The following EXOSC2 variants were observed in gnomAD, a reference collection of about 807,000 sequenced individuals.
EXOSC2 encodes the protein exosome complex component RRP4.
EXOSC2 carries 29 observed loss-of-function variants against 37.6 expected under a neutral mutation model. That is an observed-to-expected ratio of 0.77 (90% CI 0.57 to 1.05). The LOEUF (loss-of-function observed/expected upper bound fraction) is 1.05. Among genes scored for constraint, EXOSC2 ranks in the 50% least tolerant of loss-of-function variants. The probability of loss-of-function intolerance (pLI) is 0.00; values close to 1 mark genes in which losing one functional copy is unlikely to be tolerated. For synonymous variants in EXOSC2, 119 were observed against 131.1 expected (o/e 0.91, Z 0.63); for missense variants, 346 against 365.6 (o/e 0.95, Z 0.44).
chr9:130,702,702 C>T (rs1393568764), intron 7 of EXOSC2, among the ~76,000 whole-genome samples: 1 of 152,178 alleles, frequency 6.6e-6, no homozygotes, highest in Non-Finnish European at 1.5e-5. Flanking sequence ...TCAAGTGATT[C>T]TCCTGCCTCA....
chr9:130,699,271 T>A lies in EXOSC2; in HGVS notation c.361-58T>A, dbSNP rs1379222910. ...ATCTCAAAAGGAAGTGAAAGAGAAG[T>A]GATGGAGACCTTTCTGAGGATCTGG... On this transcript the variant is annotated intron_variant, in intron 4 of 8. Coordinates refer to ENST00000372358, the MANE Select transcript of EXOSC2 (RefSeq NM_014285.7). 1.0e-5 allele frequency: 16 copies of A among 1,540,680 alleles called. No homozygotes were observed. In the African/African-American group the frequency reaches 2.2e-4, roughly 21 times the overall value.
At position 130,694,398 on chromosome 9, in the gene EXOSC2, T is replaced by C. The variant is rs943021762; in HGVS notation, c.122+485T>C. Among the ~76,000 whole-genome samples, 6 of 152,154 alleles carry C rather than the reference T, an allele frequency of 3.9e-5. No individual in the cohort carries two copies. The highest frequency in any genetic ancestry group is 3.9e-4 in the Admixed American group (6 of 15,268). The stretch of plus-strand genomic sequence containing the variant: ...AATCTAAGGGGTGTAGTGCAGTGTA[T>C]TGTGGTTAAGAGGGAAGGCTCTTGA... On this transcript the variant is annotated intron_variant, in intron 1 of 8. Transcript: ENST00000372358. The surrounding 1 kb of genome is among the most constrained non-coding windows in gnomAD (Gnocchi z 4.0).
chr9:130,700,270 C>T (rs1331456556), intron 5 of EXOSC2, among the ~76,000 whole-genome samples: 4 of 151,956 alleles, frequency 2.6e-5, no homozygotes, highest in Admixed American at 1.3e-4. Context: ...CTGCCCACCT[C>T]GGCCTCCCAA....
Position 130,694,635 on chromosome 9 carries a change from T to A in EXOSC2, c.122+722T>A, listed in dbSNP as rs758621603. Reference sequence around the variant, plus strand: ...TGTTTCAACCTTTATTATTATTATTTTTTTACTTGTATATGTACAAGGGGC... The same window carrying A: ...TGTTTCAACCTTTATTATTATTATTATTTTACTTGTATATGTACAAGGGGC... On this transcript the variant is annotated intron_variant, in intron 1 of 8. Transcript: ENST00000372358. The surrounding 1 kb of genome is among the most constrained non-coding windows in gnomAD (Gnocchi z 4.0). Among the ~76,000 whole-genome samples the A allele has an allele frequency of 6.6e-6, 1 of 152,218 alleles. No individual in the cohort carries two copies. Among genetic ancestry groups the A allele is most frequent in the South Asian group, 2.1e-4 (1 of 4,836 alleles).
rs748574171 is a variant in EXOSC2, at chr9:130,702,329, C to T, written c.672+19C>T. The stretch of plus-strand genomic sequence containing the variant: ...CCTGGAGGTGAGCAAACACTGTGGC[C>T]ATTTTCAGTGGGATGGAGGGGGCTC... On this transcript the variant is annotated intron_variant, in intron 7 of 8. Transcript: ENST00000372358. The T allele has an allele frequency of 2.0e-5, 32 of 1,603,524 alleles. No individual in the cohort carries two copies. In the South Asian group the frequency reaches 3.2e-4, roughly 16 times the overall value.
chr9:130,703,081 T>C lies in EXOSC2; in HGVS notation c.701T>C (p.Ile234Thr). The part of the protein sequence containing the change: ...EPVSLADREV[I>T]SRLRNCIISL... Reference sequence around the variant, plus strand: ...GTCTCTCTTGCTGATCGAGAGGTGATATCCCGGCTTCGGAACTGCATCATC... The same window carrying C: ...GTCTCTCTTGCTGATCGAGAGGTGACATCCCGGCTTCGGAACTGCATCATC... Residue 234 changes from isoleucine (I) to threonine (T), a missense_variant, in exon 8 of 9, where the codon ATA becomes ACA. Transcript: ENST00000372358. The C allele has an allele frequency of 6.2e-7, 1 of 1,613,900 alleles. No individual in the cohort carries two copies. The highest frequency in any genetic ancestry group is 1.7e-5 in the Admixed American group (1 of 60,010).
chr9:130,696,615 A>T (rs903983286), intron 2 of EXOSC2, among the ~76,000 whole-genome samples: 49 of 152,166 alleles, frequency 3.2e-4, no homozygotes, highest in Non-Finnish European at 6.3e-4. Context: ...GTGTTTTTTT[A>T]AAATCATGAA....
chr9:130,699,685 G>A, intron 5 of EXOSC2: 3 of 393,546 alleles, frequency 7.6e-6, no homozygotes, highest in Non-Finnish European at 1.4e-5. Flanking sequence ...GCAGGGAGTG[G>A]AGAAGGTGTT....
chr9:130,698,719 T>C lies in EXOSC2; in HGVS notation c.360+468T>C, dbSNP rs767349677. 1.3e-5 allele frequency among the ~76,000 whole-genome samples: 2 copies of C among 152,210 alleles called. No homozygotes were observed. The highest frequency in any genetic ancestry group is 1.3e-4 in the Admixed American group (2 of 15,274). On this transcript the variant is annotated intron_variant, in intron 4 of 8. Transcript: ENST00000372358. This position sits in a 1 kb window ranked among gnomAD's most constrained non-coding sequence, Gnocchi z 4.1. ...TGTAAAATGCCATGGTTCACCTTGATCTTCAGTCCAGCGTGTATTTACAGA... is the reference window on the plus strand; with the variant it reads ...TGTAAAATGCCATGGTTCACCTTGACCTTCAGTCCAGCGTGTATTTACAGA...
rs1050593200 is a variant in EXOSC2, at chr9:130,697,564, T to C, written c.225-18T>C. On this transcript the variant is annotated intron_variant, in intron 2 of 8. Transcript: ENST00000372358. ...GTCTGCTCACAGATGGATGAACCCC[T>C]TGTGTTTTGTCTTTCAGATACATTG... 8.1e-6 allele frequency: 13 copies of C among 1,613,428 alleles called. No individual in the cohort carries two copies. Among genetic ancestry groups the C allele is most frequent in the Non-Finnish European group, 1.0e-5 (12 of 1,179,434 alleles).
At chr9:130,697,798 G>GTT (rs369300595) in intron 3 of EXOSC2, 171 bp downstream of exon 3, 1,354 of 515,406 alleles carry the variant, frequency 2.6e-3, no homozygotes, top group East Asian at 3.1e-3. Flanking sequence ...ACTGGTTCAT[G>GTT]TTTTTTTTTT....
chr9:130,700,855 C>T lies in EXOSC2; in HGVS notation c.427-12C>T, dbSNP rs373535241. On this transcript the variant is annotated splice_polypyrimidine_tract_variant and intron_variant, in intron 5 of 8. Coordinates refer to ENST00000372358, the MANE Select transcript of EXOSC2 (RefSeq NM_014285.7). Reference sequence around the variant, plus strand: ...CCAAGGCTGCTGTTTGTTCCTTCATCACCCTGGCCAGGCTGAGGTCCAGGC... The same window carrying T: ...CCAAGGCTGCTGTTTGTTCCTTCATTACCCTGGCCAGGCTGAGGTCCAGGC... 1.2e-6 allele frequency: 2 copies of T among 1,613,770 alleles called. No individual in the cohort carries two copies. Among genetic ancestry groups the T allele is most frequent in the East Asian group, 4.5e-5 (2 of 44,880 alleles).
chr9:130,700,675 A>T (rs545455959), intron 5 of EXOSC2, among the ~76,000 whole-genome samples, 192 bp from the exon 6 acceptor site: 58 of 151,924 alleles, frequency 3.8e-4, no homozygotes, highest in African/African-American at 5.8e-4. Flanking sequence ...CTGTATTTTT[A>T]AAAAAAAGAT....
Position 130,694,614 on chromosome 9 carries a change from T to G in EXOSC2, c.122+701T>G, listed in dbSNP as rs968856616. Among the ~76,000 whole-genome samples the G allele has an allele frequency of 3.9e-5, 6 of 152,228 alleles. No homozygotes were observed. The highest frequency in any genetic ancestry group is 1.4e-4 in the African/African-American group (6 of 41,458). On this transcript the variant is annotated intron_variant, in intron 1 of 8. Transcript: ENST00000372358. This position sits in a 1 kb window ranked among gnomAD's most constrained non-coding sequence, Gnocchi z 4.0. The stretch of plus-strand genomic sequence containing the variant: ...TATCATCATAGATAACACTAGTGTT[T>G]CAACCTTTATTATTATTATTTTTTT...
intron 6 of EXOSC2, 185 bp downstream of exon 6, chr9:130,701,120 A>T (rs895910058): frequency 1.7e-6 from 1 of 593,952 alleles, no homozygotes; most frequent in Non-Finnish European, 3.0e-6. Flanking sequence ...TCACAGGGTC[A>T]TGGGTCAGTA....
chr9:130,700,817 G>C, intron 5 of EXOSC2, 50 bp from the exon 6 acceptor site: 13 of 1,578,476 alleles, frequency 8.2e-6, no homozygotes, highest in Non-Finnish European at 1.1e-5. Flanking sequence ...GCAGAGGACA[G>C]GACAGTGTGT....
intron 5 of EXOSC2, chr9:130,699,671 T>C (rs1377072739): frequency 1.6e-5 from 7 of 435,968 alleles, no homozygotes; most frequent in Non-Finnish European, 2.5e-5. Flanking sequence ...TGTTAACTTT[T>C]AGCGCAGGGA....
chr9:130,697,227 CT>C (rs1831116003), intron 2 of EXOSC2, among the ~76,000 whole-genome samples: 1 of 152,210 alleles, frequency 6.6e-6, no homozygotes, highest in African/African-American at 2.4e-5. Flanking sequence ...GGTTGGAGTC[CT>C]GGCTCAGATT....
In EXOSC2 at chr9:130,693,811, T is replaced by G; in HGVS notation, c.20T>G (p.Leu7Arg). 1.2e-6 allele frequency: 2 copies of G among 1,609,180 alleles called. No homozygotes were observed. The highest frequency in any genetic ancestry group is 1.7e-6 in the Non-Finnish European group (2 of 1,176,730). ...GCCAAGATGGCGATGGAGATGAGGC[T>G]TCCAGTGGCTCGCAAGCCTCTTAGC... is the stretch of plus-strand genomic sequence containing the variant. The part of the protein sequence containing the change: MAMEMR[L>R]PVARKPLSER... The change falls in exon 1 of 9, where the codon CTT becomes CGT. Residue 7 changes from leucine to arginine, a missense_variant. Transcript: ENST00000372358.
Sources: allele counts gnomAD v4.1 joint callset (sites outside exome capture counted in the v4.1 genomes callset), GRCh38; gene constraint gnomAD v4.1.1; non-coding constraint Gnocchi (gnomAD v3.1); transcripts MANE v1.5; gene names NCBI Gene and HGNC (gene_info 2026-07-23, HGNC 2026-07-21).